The following MICU1 variants were observed in gnomAD, a reference collection of about 807,000 sequenced individuals.
The protein encoded by MICU1 is calcium uptake protein 1, mitochondrial.
A neutral mutation model predicts 56.8 loss-of-function variants in MICU1; 45 were observed. The observed-to-expected ratio is 0.79, with a 90% CI of 0.62 to 1.02. The LOEUF (loss-of-function observed/expected upper bound fraction) is 1.02. Among genes scored for constraint, MICU1 ranks in the 50% least tolerant of loss-of-function variants. The pLI is 0.00. For missense variants in MICU1, 504 were observed against 587.1 expected (o/e 0.86, Z 1.46); for synonymous variants, 186 against 195.1 (o/e 0.95, Z 0.39).
intron 10 of MICU1, among the ~76,000 whole-genome samples, chr10:72,404,428 A>G (rs1482066063): frequency 6.6e-6 from 1 of 152,248 alleles, no homozygotes; most frequent in African/African-American, 2.4e-5. Flanking sequence ...CAAAGGTATG[A>G]GCAGAAATCA....
chr10:72,583,313 C>T (rs1329789542), intron 1 of MICU1, among the ~76,000 whole-genome samples: 1 of 149,058 alleles, frequency 6.7e-6, no homozygotes, highest in African/African-American at 2.5e-5. Context: ...CAGAGTCTTC[C>T]TCTGTTGCCC....
At chr10:72,518,784 G>A (rs1260695476) in intron 5 of MICU1, among the ~76,000 whole-genome samples, 3 of 152,278 alleles carry the variant, frequency 2.0e-5, no homozygotes, top group Admixed American at 6.5e-5. Context: ...GGGTTCAAGC[G>A]ATTCTCTTGC....
intron 9 of MICU1, among the ~76,000 whole-genome samples, chr10:72,413,391 A>T (rs550997901): frequency 2.0e-5 from 3 of 152,306 alleles, no homozygotes; most frequent in African/African-American, 7.2e-5. Flanking sequence ...GAAAATAGAA[A>T]AATCACAAGC....
At chr10:72,506,878 A>G (rs2132344670) in intron 6 of MICU1, among the ~76,000 whole-genome samples, 1 of 152,312 alleles carries the variant, frequency 6.6e-6, no homozygotes, top group South Asian at 2.1e-4. Context: ...TAACAAATCA[A>G]TGTGTATTTT....
At chr10:72,501,367 C>T (rs1182228171) in intron 6 of MICU1, among the ~76,000 whole-genome samples, 1 of 151,444 alleles carries the variant, frequency 6.6e-6, no homozygotes, top group Non-Finnish European at 1.5e-5. Flanking sequence ...AAGACATCAA[C>T]AGCTACAAGG....
intron 6 of MICU1, among the ~76,000 whole-genome samples, chr10:72,499,325 T>G (rs1866950753): frequency 6.6e-6 from 1 of 152,218 alleles, no homozygotes; most frequent in South Asian, 2.1e-4. Context: ...CACTTCTTTC[T>G]TGCTTGAATG....
chr10:72,399,269 A>T (rs1400843213), intron 10 of MICU1, among the ~76,000 whole-genome samples: 1 of 151,330 alleles, frequency 6.6e-6, no homozygotes, highest in African/African-American at 2.4e-5. Context: ...CAATGAGATC[A>T]CTTGGACACA....
At chr10:72,573,270 G>C (rs1174383482) in intron 1 of MICU1, among the ~76,000 whole-genome samples, 1 of 115,712 alleles carries the variant, frequency 8.6e-6, no homozygotes, top group African/African-American at 3.3e-5. Flanking sequence ...AGGAGTTTGA[G>C]ACCAGCCTGG....
intron 1 of MICU1, among the ~76,000 whole-genome samples, chr10:72,600,875 C>T (rs561405818): frequency 1.2e-4 from 18 of 152,192 alleles, no homozygotes; most frequent in African/African-American, 4.1e-4. Context: ...CATATCCCCC[C>T]GTAGATAAGG....
chr10:72,562,701 T>C, intron 3 of MICU1, 194 bp downstream of exon 3: 1 of 442,540 alleles, frequency 2.3e-6, no homozygotes, highest in Non-Finnish European at 3.9e-6. Flanking sequence ...TTATTGGTCC[T>C]AGATCCTTTT....
intron 6 of MICU1, among the ~76,000 whole-genome samples, chr10:72,503,643 G>C (rs193036864): frequency 6.6e-6 from 1 of 151,994 alleles, no homozygotes; most frequent in South Asian, 2.1e-4. Flanking sequence ...AAAATAAAAG[G>C]CATCCAAATA....
chr10:72,579,622 CA>C lies in MICU1; in HGVS notation c.-1-12829del, dbSNP rs546881345. On this transcript the variant is annotated intron_variant, in intron 1 of 11. Transcript: ENST00000361114. ...GTATGTTTTTTTTTACCATTAAGTA[CA>C]TATGTGTGAATAGGCATAAGATGAT... 3.2e-3 allele frequency among the ~76,000 whole-genome samples: 481 copies of C among 151,906 alleles called. 3 individuals are homozygous for C. Among genetic ancestry groups the C allele is most frequent in the African/African-American group, 0.011 (456 of 41,414 alleles).
intron 8 of MICU1, among the ~76,000 whole-genome samples, chr10:72,425,615 G>T (rs953189299): frequency 2.6e-5 from 4 of 152,088 alleles, no homozygotes; most frequent in African/African-American, 9.7e-5. Flanking sequence ...ACTTCTGCTT[G>T]TCCAAGTCGT....
At chr10:72,596,728 C>T (rs1412597222) in intron 1 of MICU1, among the ~76,000 whole-genome samples, 2 of 151,782 alleles carry the variant, frequency 1.3e-5, no homozygotes, top group Non-Finnish European at 2.9e-5. Context: ...CAAAAATTAG[C>T]CAGGCATGGT....
At chr10:72,371,784 A>G (rs7897548) in intron 11 of MICU1, among the ~76,000 whole-genome samples, 104,500 of 151,474 alleles carry the variant, frequency 0.69, 37,561 homozygotes, top group African/African-American at 0.85. Context: ...GGTGGGGCAT[A>G]GTGGCTCACA....
chr10:72,449,150 C>G (rs1166653013), intron 8 of MICU1, among the ~76,000 whole-genome samples: 1 of 152,132 alleles, frequency 6.6e-6, no homozygotes, highest in Non-Finnish European at 1.5e-5. Context: ...GAAATCCCAG[C>G]ACTTTGGGAG....
At chr10:72,477,552 T>C in intron 6 of MICU1, 1 of 1,535,178 alleles carries the variant, frequency 6.5e-7, no homozygotes, top group South Asian at 1.2e-5. Context: ...AGACACCATC[T>C]TCTTAGCTTA....
intron 6 of MICU1, among the ~76,000 whole-genome samples, chr10:72,503,366 A>C (rs2132335701): frequency 6.6e-6 from 1 of 152,296 alleles, no homozygotes; most frequent in East Asian, 1.9e-4. Flanking sequence ...GACAGGGATG[A>C]TTCTTCCCCA....
intron 8 of MICU1, among the ~76,000 whole-genome samples, chr10:72,444,296 G>T (rs558864874): frequency 1.3e-5 from 2 of 151,780 alleles, no homozygotes; most frequent in Non-Finnish European, 2.9e-5. Context: ...TGGGTGCAGC[G>T]TACCAGCATG....
Sources: gnomAD v4.1 joint callset for allele counts (sites outside exome capture counted in the v4.1 genomes callset) on GRCh38, gnomAD v4.1.1 for gene constraint, MANE v1.5 for transcripts, NCBI Gene and HGNC (gene_info 2026-07-23, HGNC 2026-07-21) for gene names.